Variants in TRMT10B observed in about 807,000 individuals in gnomAD.
The protein encoded by TRMT10B is tRNA methyltransferase 10B, also known as tRNA methyltransferase 10 homolog B.
A neutral mutation model predicts 43.8 loss-of-function variants in TRMT10B; 33 were observed. The ratio of observed to expected loss-of-function variants is 0.75; its 90% CI spans 0.57 to 1.01. The LOEUF is 1.01. Among genes scored for constraint, TRMT10B ranks in the 50% least tolerant of loss-of-function variants. The probability of loss-of-function intolerance (pLI) is 0.00; values close to 1 mark genes in which losing one functional copy is unlikely to be tolerated. For missense variants in TRMT10B, 362 were observed against 369.8 expected, an observed-to-expected ratio of 0.98 and a Z score of 0.17; for synonymous variants, 137 against 130.6, an observed-to-expected ratio of 1.05 and a Z score of -0.34.
At chr9:37,761,432 C>T (rs1826312196) in intron 1 of TRMT10B, among the ~76,000 whole-genome samples, 1 of 152,148 alleles carries the variant, frequency 6.6e-6, no homozygotes, top group Non-Finnish European at 1.5e-5. Flanking sequence ...GGTGCAGTGG[C>T]TCATGCCTGT....
Position 37,770,656 on chromosome 9 carries a change from T to C in TRMT10B, c.653-16T>C. On this transcript the variant is annotated splice_polypyrimidine_tract_variant and intron_variant, in intron 6 of 8. Coordinates refer to ENST00000297994, the MANE Select transcript of TRMT10B (RefSeq NM_144964.4). ...TAAAACAGATTTGATCTCATTGGCC[T>C]TCATTTTTTCATTAGCTCTTGAAGA... is the stretch of plus-strand genomic sequence containing the variant. 1 of 1,611,612 alleles carries C rather than the reference T, an allele frequency of 6.2e-7. No individual in the cohort carries two copies. Among genetic ancestry groups the C allele is most frequent in the Non-Finnish European group, 8.5e-7 (1 of 1,178,824 alleles).
chr9:37,777,049 C>T (rs1365683522), intron 8 of TRMT10B, among the ~76,000 whole-genome samples: 2 of 150,736 alleles, frequency 1.3e-5, no homozygotes, highest in East Asian at 3.9e-4. Context: ...CAAAAATTAG[C>T]AGGGCATAGT....
upstream of TRMT10B, among the ~76,000 whole-genome samples, chr9:37,752,911 T>TG (rs953015771): frequency 2.0e-5 from 3 of 152,062 alleles, no homozygotes; most frequent in Non-Finnish European, 4.4e-5. Flanking sequence ...GGCAACCCGT[T>TG]GGGGTTGCCT....
intron 5 of TRMT10B, among the ~76,000 whole-genome samples, chr9:37,769,057 T>C (rs1044086003): frequency 6.6e-6 from 1 of 152,026 alleles, no homozygotes; most frequent in African/African-American, 2.4e-5. Context: ...CCTGTAATCC[T>C]TGCACTTTGG....
intron 5 of TRMT10B, 61 bp downstream of exon 5, chr9:37,768,289 A>G: frequency 7.2e-7 from 1 of 1,380,070 alleles, no homozygotes; most frequent in Non-Finnish European, 9.8e-7. Flanking sequence ...GGTTAATAGT[A>G]TTTTTTTTTT....
At chr9:37,776,182 T>A (rs1266415074) in intron 7 of TRMT10B, 100 bp from the exon 8 acceptor site, 1 of 1,044,046 alleles carries the variant, frequency 9.6e-7, no homozygotes, top group Non-Finnish European at 1.3e-6. Flanking sequence ...TGCAGTTTCT[T>A]CCATTCCACA....
In TRMT10B at chr9:37,777,912, G is replaced by A; in HGVS notation, c.*205G>A. On this transcript the variant is annotated 3_prime_UTR_variant, in exon 9 of 9. Transcript: ENST00000297994. ...CCCAGCTACTTGGGAGGCTGAGGCA[G>A]GAGAATCACTTGAACTCGGGAGGCG... is the stretch of plus-strand genomic sequence containing the variant. 2 of 423,908 alleles carry A rather than the reference G, an allele frequency of 4.7e-6. No individual in the cohort carries two copies. The highest frequency in any genetic ancestry group is 8.7e-6 in the Non-Finnish European group (2 of 229,124). The allele number at this position is 423,908 out of a possible 1,614,324, so 26.3% of individuals were successfully genotyped here. A position where few individuals can be genotyped will look rare whatever the true frequency, so the allele number is the denominator to read the frequency against.
chr9:37,765,549 G>C, intron 4 of TRMT10B, among the ~76,000 whole-genome samples: 1 of 152,032 alleles, frequency 6.6e-6, no homozygotes, highest in East Asian at 1.9e-4. Flanking sequence ...ATAAACATAC[G>C]TGTGCATGTG....
At chr9:37,767,152 G>A (rs984816937) in intron 4 of TRMT10B, 5 of 152,018 alleles carry the variant, frequency 3.3e-5, no homozygotes, top group African/African-American at 1.2e-4. Context: ...GATAAGTTAG[G>A]AAAACTGCAG....
At chr9:37,763,160 A>AAAACG (rs1826588246) in intron 3 of TRMT10B, among the ~76,000 whole-genome samples, 1 of 127,858 alleles carries the variant, frequency 7.8e-6, no homozygotes, top group South Asian at 2.5e-4. Context: ...AAAAAAAAAA[A>AAAACG]AAAAACAAAA....
rs554882482 is a variant in TRMT10B, at chr9:37,761,169, G to A, written c.-29-734G>A. On this transcript the variant is annotated intron_variant, in intron 1 of 8. Transcript: ENST00000297994. ...GGTACATTCTCCCAAGATGTCTCTA[G>A]TACAGTACCTTACTTACAGTAGGTA... Among the ~76,000 whole-genome samples, 4 of 152,306 alleles carry A rather than the reference G, an allele frequency of 2.6e-5. No individual in the cohort carries two copies. The South Asian group carries it at 6.2e-4, about 24-fold the overall frequency.
intron 1 of TRMT10B, among the ~76,000 whole-genome samples, chr9:37,758,112 T>C (rs1382176392): frequency 1.3e-5 from 2 of 152,188 alleles, no homozygotes; most frequent in Non-Finnish European, 2.9e-5. Context: ...TATGGAGTTA[T>C]AATATAAATG....
intron 5 of TRMT10B, chr9:37,769,699 G>A (rs1827357156): frequency 2.3e-6 from 1 of 439,546 alleles, no homozygotes; most frequent in Non-Finnish European, 4.2e-6. Flanking sequence ...CTGGGCTCAA[G>A]CCATCCTGCC....
intron 8 of TRMT10B, 26 bp from the exon 9 acceptor site, chr9:37,777,575 T>C: frequency 6.4e-7 from 1 of 1,557,374 alleles, no homozygotes. Context: ...CTGTGGTCAC[T>C]GTGTTTTCTG....
intron 1 of TRMT10B, among the ~76,000 whole-genome samples, chr9:37,761,627 G>C (rs1484835898): frequency 6.6e-6 from 1 of 152,194 alleles, no homozygotes; most frequent in Non-Finnish European, 1.5e-5. Context: ...GAATTCAGGA[G>C]GCAGAGGTTG....
chr9:37,767,961 AGTACATGGGGTTTTCTGGAGTAGC>A (rs759173630), intron 4 of TRMT10B, 91 bp from the exon 5 acceptor site: 102 of 1,106,896 alleles, frequency 9.2e-5, no homozygotes, highest in Non-Finnish European at 1.3e-4. Context: ...ATGTACTCCT[AGTACATGGGGTTTTCTGGAGTAGC>A]GTTCAGTGAA....
At chr9:37,777,315 A>T (rs1339843429) in intron 8 of TRMT10B, among the ~76,000 whole-genome samples, 1 of 145,052 alleles carries the variant, frequency 6.9e-6, no homozygotes, top group Non-Finnish European at 1.5e-5. Context: ...GTTCAGGAGC[A>T]TCTTGGCCCT....
upstream of TRMT10B, among the ~76,000 whole-genome samples, chr9:37,753,250 G>A (rs1163389080): frequency 2.0e-5 from 3 of 152,244 alleles, no homozygotes; most frequent in Non-Finnish European, 4.4e-5. Flanking sequence ...CTTGAAGTCA[G>A]TGAGACCAAG....
chr9:37,753,449 C>T (rs1169066066), upstream of TRMT10B, among the ~76,000 whole-genome samples: 5 of 152,198 alleles, frequency 3.3e-5, no homozygotes, highest in South Asian at 2.1e-4. Context: ...TTTAAGGTTT[C>T]CTTCGGCAGA....
Sources: gnomAD v4.1 joint callset for allele counts (sites outside exome capture counted in the v4.1 genomes callset) on GRCh38, gnomAD v4.1.1 for gene constraint, MANE v1.5 for transcripts, NCBI Gene and HGNC (gene_info 2026-07-23, HGNC 2026-07-21) for gene names.